Variants in USP37 observed in about 807,000 individuals in gnomAD.
USP37 encodes the protein ubiquitin specific peptidase 37.
A neutral mutation model predicts 124.0 loss-of-function variants in USP37; 27 were observed. The ratio of observed to expected loss-of-function variants is 0.22; its 90% CI spans 0.16 to 0.30. The LOEUF (loss-of-function observed/expected upper bound fraction) is 0.30, where lower values mean the gene tolerates loss of function less well. USP37 is among the 10% of genes least tolerant of loss of function. The pLI, the probability that USP37 is intolerant of heterozygous loss-of-function variation, is 1.00. For synonymous variants in USP37, 365 were observed against 388.0 expected (o/e 0.94, Z 0.70); for missense variants, 889 against 1,140.4 (o/e 0.78, Z 3.17).
chr2:218,526,827 C>T (rs1405874224), intron 10 of USP37, among the ~76,000 whole-genome samples: 13 of 109,914 alleles, frequency 1.2e-4, no homozygotes, highest in Admixed American at 2.7e-4. Flanking sequence ...CTTGCTCTGT[C>T]GCCCAGGCTG....
At chr2:218,543,184 A>C (rs142059008) in intron 8 of USP37, among the ~76,000 whole-genome samples, 1 of 152,290 alleles carries the variant, frequency 6.6e-6, no homozygotes, top group East Asian at 1.9e-4. Context: ...GGCCAAAGCT[A>C]ATCAGCTTGC....
chr2:218,535,680 C>A (rs868304351), intron 8 of USP37, among the ~76,000 whole-genome samples: 1 of 151,918 alleles, frequency 6.6e-6, no homozygotes, highest in Non-Finnish European at 1.5e-5. Context: ...CACAGTGAAA[C>A]CCTGTCTCTA....
At chr2:218,545,023 G>C (rs1692242637) in intron 8 of USP37, among the ~76,000 whole-genome samples, 1 of 152,152 alleles carries the variant, frequency 6.6e-6, no homozygotes, top group African/African-American at 2.4e-5. Context: ...CTCTGAGCTG[G>C]ATACAATGTT....
In USP37 at chr2:218,454,845, C is replaced by T; in HGVS notation, c.*85G>A. On this transcript the variant is annotated 3_prime_UTR_variant, in exon 26 of 26. Coordinates refer to ENST00000258399, the MANE Select transcript of USP37 (RefSeq NM_020935.3). The stretch of plus-strand genomic sequence containing the variant: ...TGTTGCTCCCGCATCAAGTAGAATT[C>T]CAAATTCTCCTTCAGCAGAGGAAAG... 6.4e-7 allele frequency: 1 copy of T among 1,560,308 alleles called. No homozygotes were observed.
intron 8 of USP37, among the ~76,000 whole-genome samples, chr2:218,544,430 T>TATAGAGAGAGAGAGAG (rs377397246): frequency 1.6e-4 from 8 of 50,824 alleles, no homozygotes; most frequent in East Asian, 8.5e-4. Flanking sequence ...TATATATATA[T>TATAGAGAGAGAGAGAG]AGAGAGAGAG....
chr2:218,465,932 C>A (rs1352005046), intron 21 of USP37, 78 bp downstream of exon 21: 8 of 1,498,960 alleles, frequency 5.3e-6, no homozygotes, highest in Non-Finnish European at 6.3e-6. Context: ...ATAGTAAGTG[C>A]TCAACACATT....
intron 17 of USP37, among the ~76,000 whole-genome samples, chr2:218,480,267 G>A (rs1184524903): frequency 1.3e-5 from 2 of 152,000 alleles, no homozygotes; most frequent in African/African-American, 2.4e-5. Context: ...GGGCATGGTG[G>A]CAGGCGCCTG....
chr2:218,488,391 C>A lies in USP37; in HGVS notation c.1503G>T (p.Gln501His), dbSNP rs763716042. Reference protein sequence around the residue: ...ACGEIIPKREQFNDLSIDLPR... With the variant: ...ACGEIIPKREHFNDLSIDLPR... ...GAAGGTCAATAGAGAGGTCATTAAACTGTTCTCTTTTGGGGATAATCTCTC... is the reference window on the plus strand; with the variant it reads ...GAAGGTCAATAGAGAGGTCATTAAAATGTTCTCTTTTGGGGATAATCTCTC... The change falls in exon 15 of 26, where the codon CAG (glutamine) becomes CAT (histidine). Residue 501 changes from glutamine (Q) to histidine (H), a missense_variant. Gln to His is a conservative substitution (Grantham distance 24). Transcript: ENST00000258399. The A allele has an allele frequency of 6.2e-7, 1 of 1,610,710 alleles. No homozygotes were observed. Among genetic ancestry groups the A allele is most frequent in the Non-Finnish European group, 8.5e-7 (1 of 1,178,736 alleles).
intron 10 of USP37, among the ~76,000 whole-genome samples, chr2:218,527,182 T>C (rs562387456): frequency 1.1e-4 from 17 of 152,178 alleles, no homozygotes; most frequent in Admixed American, 9.8e-4. Flanking sequence ...CTACCCTGCA[T>C]AGGACTTTAA....
intron 9 of USP37, among the ~76,000 whole-genome samples, chr2:218,531,157 G>A (rs1390184141): frequency 6.6e-6 from 1 of 152,212 alleles, no homozygotes; most frequent in Non-Finnish European, 1.5e-5. Context: ...TAAGAGTTTC[G>A]TAGCTAGAGA....
Position 218,459,885 on chromosome 2 carries a change from C to T in USP37, c.2548G>A (p.Asp850Asn), listed in dbSNP as rs1451023950. The T allele has an allele frequency of 1.2e-6, 2 of 1,613,462 alleles. No homozygotes were observed. Among genetic ancestry groups the T allele is most frequent in the African/African-American group, 1.3e-5 (1 of 74,952 alleles). The change falls in exon 23 of 26, where the codon GAT becomes AAT. Residue 850 changes from aspartate (D) to asparagine (N), a missense_variant. Coordinates refer to ENST00000258399, the MANE Select transcript of USP37 (RefSeq NM_020935.3). ...SLQEFNNSFV[D>N]ALGSDEDSGN... ...GAGTCCTCATCAGAACCCAATGCAT[C>T]CACAAAGGAGTTGTTAAACTCTGAA...
intron 24 of USP37, 31 bp from the exon 25 acceptor site, chr2:218,455,749 T>C (rs762256987): frequency 6.2e-7 from 1 of 1,608,714 alleles, no homozygotes; most frequent in East Asian, 2.2e-5. Flanking sequence ...AAATCAAGGT[T>C]TTTAAAAACA....
intron 6 of USP37, among the ~76,000 whole-genome samples, chr2:218,547,608 C>T: frequency 7.1e-6 from 1 of 141,084 alleles, no homozygotes; most frequent in East Asian, 2.1e-4. Flanking sequence ...AAAAAAGACA[C>T]ACACAGACAT....
At chr2:218,466,935 T>G (rs1690361621) in intron 20 of USP37, among the ~76,000 whole-genome samples, 1 of 152,056 alleles carries the variant, frequency 6.6e-6, no homozygotes, top group Non-Finnish European at 1.5e-5. Context: ...TTCATCACAT[T>G]GGCCAGGCTG....
At chr2:218,561,367 G>A (rs1228748410) in intron 2 of USP37, among the ~76,000 whole-genome samples, 1 of 152,094 alleles carries the variant, frequency 6.6e-6, no homozygotes, top group Non-Finnish European at 1.5e-5. Flanking sequence ...CATCAATTCT[G>A]CCTCCACAGA....
chr2:218,516,195 C>A (rs989769057), intron 10 of USP37, among the ~76,000 whole-genome samples: 6 of 151,988 alleles, frequency 3.9e-5, no homozygotes, highest in Admixed American at 2.6e-4. Context: ...GGGTATATAC[C>A]CAAAGGATTA....
At chr2:218,500,710 G>C (rs1371409615) in intron 11 of USP37, 3 of 151,908 alleles carry the variant, frequency 2.0e-5, no homozygotes, top group Non-Finnish European at 4.4e-5. Flanking sequence ...CCTCATACTG[G>C]GTTTGCTATT....
At position 218,466,049 on chromosome 2, in the gene USP37, T is replaced by C; in HGVS notation, c.2427A>G (p.Gln809=). The C allele has an allele frequency of 6.2e-7, 1 of 1,612,762 alleles. No homozygotes were observed. The highest frequency in any genetic ancestry group is 1.6e-4 in the Middle Eastern group (1 of 6,062). Residue 809 remains glutamine, a synonymous_variant, in exon 21 of 26, where the codon CAA becomes CAG. Coordinates refer to ENST00000258399, the MANE Select transcript of USP37 (RefSeq NM_020935.3). ...TCTGAGCCAGTGCCTGCTGAAGCTC[T>C]TGCTCTTCCCTTTCACGCTCCATAT... ...QYDMEREREE[Q]ELQQALAQSL...
intron 10 of USP37, among the ~76,000 whole-genome samples, chr2:218,510,855 C>T (rs930186996): frequency 5.3e-5 from 8 of 151,900 alleles, no homozygotes; most frequent in Non-Finnish European, 8.8e-5. Context: ...ATTAGCCAGG[C>T]GTGGTGGGGA....
Sources: allele counts gnomAD v4.1 joint callset (sites outside exome capture counted in the v4.1 genomes callset), GRCh38; gene constraint gnomAD v4.1.1; transcripts MANE v1.5; gene names NCBI Gene and HGNC (gene_info 2026-07-23, HGNC 2026-07-21).